The following DGKI variants were observed in gnomAD, a reference collection of about 807,000 sequenced individuals.
The protein encoded by DGKI is diacylglycerol kinase iota.
A neutral mutation model predicts 147.5 loss-of-function variants in DGKI; 55 were observed. The ratio of observed to expected loss-of-function variants is 0.37; its 90% CI spans 0.30 to 0.47. The LOEUF is 0.47. Ranked by LOEUF, DGKI falls within the 20% of genes least tolerant of loss-of-function variation. The pLI, the probability that DGKI is intolerant of heterozygous loss-of-function variation, is 1.00. For missense variants in DGKI, 1,007 were observed against 1,323.8 expected, an observed-to-expected ratio of 0.76 and a Z score of 3.71; for synonymous variants, 469 against 477.1, an observed-to-expected ratio of 0.98 and a Z score of 0.22.
chr7:137,658,268 T>C (rs1822294908), intron 3 of DGKI, among the ~76,000 whole-genome samples: 1 of 152,174 alleles, frequency 6.6e-6, no homozygotes, highest in Admixed American at 6.5e-5. Context: ...AAAAATTCTA[T>C]TTTGCTCTAC....
At chr7:137,436,790 C>CGGTAAATATAAGAACCAA (rs200903321) in intron 28 of DGKI, among the ~76,000 whole-genome samples, 3,038 of 152,084 alleles carry the variant, frequency 0.02, 102 homozygotes, top group African/African-American at 0.07. Context: ...TGTATAAAGG[C>CGGTAAATATAAGAACCAA]GGTAAATATA....
chr7:137,492,017 C>A (rs1400030340), intron 21 of DGKI, among the ~76,000 whole-genome samples: 4 of 152,170 alleles, frequency 2.6e-5, no homozygotes, highest in Admixed American at 1.3e-4. Context: ...CAGGGCAAAG[C>A]CAGAAATGGG....
intron 1 of DGKI, among the ~76,000 whole-genome samples, chr7:137,827,356 C>T (rs569064076): frequency 6.6e-6 from 1 of 152,280 alleles, no homozygotes; most frequent in South Asian, 2.1e-4. Context: ...TTTAACTAAC[C>T]TTCCCTGCCT....
intron 20 of DGKI, among the ~76,000 whole-genome samples, chr7:137,549,912 T>C (rs1348861122): frequency 5.3e-5 from 8 of 152,356 alleles, no homozygotes; most frequent in Non-Finnish European, 1.2e-4. Flanking sequence ...TAGGTTTTTT[T>C]GCTTTCTTTT....
intron 1 of DGKI, among the ~76,000 whole-genome samples, chr7:137,746,956 C>G (rs984514700): frequency 6.6e-6 from 1 of 152,106 alleles, no homozygotes; most frequent in Non-Finnish European, 1.5e-5. Context: ...ATGGGGAAAC[C>G]TAAAAGATCT....
intron 1 of DGKI, among the ~76,000 whole-genome samples, chr7:137,778,861 G>A (rs1353256442): frequency 6.6e-6 from 1 of 152,128 alleles, no homozygotes; most frequent in African/African-American, 2.4e-5. Flanking sequence ...AGTCACAAAG[G>A]CAGTGATCCC....
At chr7:137,731,520 T>C (rs1794883670) in intron 1 of DGKI, among the ~76,000 whole-genome samples, 1 of 152,092 alleles carries the variant, frequency 6.6e-6, no homozygotes, top group South Asian at 2.1e-4. Context: ...TCATCATCAT[T>C]ATGTGCCTTA....
At chr7:137,465,885 C>T in intron 26 of DGKI, 23 bp downstream of exon 26, 1 of 1,610,288 alleles carries the variant, frequency 6.2e-7, no homozygotes, top group Non-Finnish European at 8.5e-7. Flanking sequence ...GCCAGCCTCA[C>T]AGGCCAGGAG....
intron 1 of DGKI, among the ~76,000 whole-genome samples, chr7:137,757,838 A>G (rs1471508816): frequency 6.6e-6 from 1 of 152,250 alleles, no homozygotes; most frequent in African/African-American, 2.4e-5. Flanking sequence ...GAAGAACAAG[A>G]TAACTATATC....
chr7:137,815,076 C>G (rs1429340298), intron 1 of DGKI, among the ~76,000 whole-genome samples: 1 of 151,448 alleles, frequency 6.6e-6, no homozygotes, highest in Non-Finnish European at 1.5e-5. Context: ...AAAAAAAAAA[C>G]TAAATAATAT....
rs180953590 is a variant in DGKI, at chr7:137,681,843, G to T, written c.511-3191C>A. On this transcript the variant is annotated intron_variant, in intron 2 of 32. Coordinates refer to ENST00000614521, the MANE Select transcript of DGKI (RefSeq NM_001321708.2). ...TGATAAAAGTGTTTTTGTTTGTCTG[G>T]CGGCCTTGGGCCATAAGGTATCAGC... Among the ~76,000 whole-genome samples, 76 of 152,370 alleles carry T rather than the reference G, an allele frequency of 5.0e-4. 1 individual carries two copies. In the East Asian group the frequency reaches 5.2e-3, roughly 10 times the overall value.
chr7:137,402,090 G>A (rs1169946676), intron 30 of DGKI, among the ~76,000 whole-genome samples: 1 of 152,140 alleles, frequency 6.6e-6, no homozygotes, highest in African/African-American at 2.4e-5. Flanking sequence ...TTACTGTATA[G>A]GGTTGTAAAA....
intron 20 of DGKI, among the ~76,000 whole-genome samples, chr7:137,533,690 A>G (rs2128957766): frequency 6.6e-6 from 1 of 152,190 alleles, no homozygotes; most frequent in Admixed American, 6.5e-5. Context: ...CTAAGTGATT[A>G]CTTTTTCAAA....
intron 20 of DGKI, chr7:137,546,107 A>G: frequency 1.8e-6 from 1 of 552,926 alleles, no homozygotes. Flanking sequence ...AGGAAAGGAA[A>G]AGGAAAACCA....
intron 21 of DGKI, among the ~76,000 whole-genome samples, chr7:137,494,930 G>A (rs899369038): frequency 2.0e-5 from 3 of 151,856 alleles, no homozygotes; most frequent in African/African-American, 7.3e-5. Context: ...AGAGACCCAG[G>A]TCACATGCGA....
intron 1 of DGKI, among the ~76,000 whole-genome samples, chr7:137,695,661 T>C (rs1303826390): frequency 6.6e-6 from 1 of 152,210 alleles, no homozygotes; most frequent in East Asian, 1.9e-4. Flanking sequence ...TACTTAACCA[T>C]TTCACAACCT....
intron 19 of DGKI, among the ~76,000 whole-genome samples, chr7:137,566,878 G>C (rs116680223): frequency 0.014 from 1,649 of 114,082 alleles, 18 homozygotes; most frequent in African/African-American, 0.051. Flanking sequence ...ATAAAACACA[G>C]TGTATTTCTT....
chr7:137,745,300 A>C (rs1795290851), intron 1 of DGKI, among the ~76,000 whole-genome samples: 1 of 152,212 alleles, frequency 6.6e-6, no homozygotes, highest in Non-Finnish European at 1.5e-5. Flanking sequence ...CTTGGGGAAG[A>C]CTACGTCCAA....
At chr7:137,803,297 G>C (rs1362503432) in intron 1 of DGKI, among the ~76,000 whole-genome samples, 1 of 152,184 alleles carries the variant, frequency 6.6e-6, no homozygotes, top group African/African-American at 2.4e-5. Context: ...TCACTCTTCA[G>C]AGGCCTTACA....
Sources: gnomAD v4.1 joint callset for allele counts (sites outside exome capture counted in the v4.1 genomes callset) on GRCh38, gnomAD v4.1.1 for gene constraint, MANE v1.5 for transcripts, NCBI Gene and HGNC (gene_info 2026-07-23, HGNC 2026-07-21) for gene names.